Variants in PAPPA observed in about 807,000 individuals in gnomAD.
PAPPA encodes the protein pappalysin 1.
PAPPA carries 60 observed loss-of-function variants against 164.0 expected under a neutral mutation model. The observed-to-expected ratio is 0.37, with a 90% CI of 0.30 to 0.45. The LOEUF is 0.45. PAPPA is among the 20% of genes least tolerant of loss of function. PAPPA has a pLI of 1.00. For synonymous variants in PAPPA, 875 were observed against 814.1 expected (o/e 1.07, Z -1.27); for missense variants, 1,782 against 2,087.3 (o/e 0.85, Z 2.85).
At chr9:116,155,872 C>T (rs1025865240) in intron 1 of PAPPA, among the ~76,000 whole-genome samples, 15 of 151,994 alleles carry the variant, frequency 9.9e-5, no homozygotes, top group African/African-American at 3.6e-4. Flanking sequence ...CCCAACAACC[C>T]ACAACTGACG....
At chr9:116,180,721 T>C (rs1564175492) in intron 1 of PAPPA, among the ~76,000 whole-genome samples, 1 of 152,192 alleles carries the variant, frequency 6.6e-6, no homozygotes, top group Non-Finnish European at 1.5e-5. Context: ...AGTCAAATGT[T>C]ATCAGAGATA....
chr9:116,204,447 C>T (rs182657048), intron 2 of PAPPA, among the ~76,000 whole-genome samples: 90 of 152,164 alleles, frequency 5.9e-4, no homozygotes, highest in Admixed American at 3.9e-3. Context: ...TGGCCTATTG[C>T]TCTATTGCCC....
At chr9:116,218,125 CTG>C (rs1218649580) in intron 4 of PAPPA, among the ~76,000 whole-genome samples, 3 of 152,146 alleles carry the variant, frequency 2.0e-5, no homozygotes, top group Non-Finnish European at 4.4e-5. Flanking sequence ...ATTCACTATA[CTG>C]TGTTTGTTAA....
chr9:116,379,910 T>C (rs2118694050), intron 20 of PAPPA, among the ~76,000 whole-genome samples: 1 of 152,246 alleles, frequency 6.6e-6, no homozygotes, highest in Non-Finnish European at 1.5e-5. Flanking sequence ...ACAGGAGAAA[T>C]CTCTAAGTAC....
intron 19 of PAPPA, among the ~76,000 whole-genome samples, chr9:116,368,595 G>C (rs537757628): frequency 6.6e-6 from 1 of 152,346 alleles, no homozygotes; most frequent in Admixed American, 6.5e-5. Flanking sequence ...GGGGCCCCCA[G>C]AGCTGATGTG....
At position 116,208,999 on chromosome 9, in the gene PAPPA, A is replaced by T. The variant is rs57620977; in HGVS notation, c.1624+1398A>T. 4.0e-3 allele frequency among the ~76,000 whole-genome samples: 603 copies of T among 152,288 alleles called. 2 individuals are homozygous for T. Among genetic ancestry groups the T allele is most frequent in the African/African-American group, 0.014 (569 of 41,564 alleles). On this transcript the variant is annotated intron_variant, in intron 3 of 21. Coordinates refer to ENST00000328252, the MANE Select transcript of PAPPA (RefSeq NM_002581.5). ...AAATGGGGGAATGCTACTGGCATCT[A>T]GTGGGTAGAAGCCAGTGATGCTGCT...
chr9:116,203,971 G>C (rs1844201727), intron 2 of PAPPA, among the ~76,000 whole-genome samples: 1 of 152,190 alleles, frequency 6.6e-6, no homozygotes, highest in Non-Finnish European at 1.5e-5. Context: ...AAGGAAGAAG[G>C]CTGGGTAATG....
intron 7 of PAPPA, among the ~76,000 whole-genome samples, chr9:116,252,504 G>A (rs1211990533): frequency 6.6e-6 from 1 of 152,184 alleles, no homozygotes; most frequent in Admixed American, 6.5e-5. Context: ...AAGTGGAAGG[G>A]CTGCAGTCTA....
At chr9:116,284,419 C>G (rs1044901177) in intron 9 of PAPPA, among the ~76,000 whole-genome samples, 1 of 152,242 alleles carries the variant, frequency 6.6e-6, no homozygotes, top group Admixed American at 6.5e-5. Flanking sequence ...TTCTGACCAT[C>G]CCTCCACAGA....
chr9:116,344,331 T>A (rs1233239790), intron 13 of PAPPA, among the ~76,000 whole-genome samples: 1 of 152,196 alleles, frequency 6.6e-6, no homozygotes, highest in East Asian at 1.9e-4. Flanking sequence ...AGATTTGAAC[T>A]CTGGTTTGTC....
chr9:116,303,190 C>T (rs539803920), intron 10 of PAPPA, among the ~76,000 whole-genome samples: 127 of 152,212 alleles, frequency 8.3e-4, no homozygotes, highest in Non-Finnish European at 2.1e-4. Context: ...CCTGTAATAA[C>T]TAATATTTGG....
chr9:116,241,331 G>A (rs1844733133), intron 7 of PAPPA, among the ~76,000 whole-genome samples: 1 of 152,174 alleles, frequency 6.6e-6, no homozygotes, highest in Admixed American at 6.5e-5. Context: ...AAAGAAGCAT[G>A]TTATTATATA....
intron 1 of PAPPA, among the ~76,000 whole-genome samples, chr9:116,177,303 C>T (rs1316389154): frequency 6.6e-6 from 1 of 152,196 alleles, no homozygotes; most frequent in Non-Finnish European, 1.5e-5. Flanking sequence ...TTGTGCTCTT[C>T]ACTACCAGAC....
chr9:116,269,579 C>T (rs753523801), intron 8 of PAPPA, among the ~76,000 whole-genome samples: 4 of 152,144 alleles, frequency 2.6e-5, no homozygotes, highest in Non-Finnish European at 2.9e-5. Context: ...GATGGCCACC[C>T]GCTCCAGCCC....
At chr9:116,382,606 T>TCCACA (rs1846747138) in intron 21 of PAPPA, 113 bp downstream of exon 21, 3 of 691,940 alleles carry the variant, frequency 4.3e-6, no homozygotes, top group Admixed American at 4.5e-5. Flanking sequence ...GCCAGCACTG[T>TCCACA]CCACACGCTT....
At chr9:116,199,168 C>T (rs1844141734) in intron 2 of PAPPA, among the ~76,000 whole-genome samples, 1 of 152,204 alleles carries the variant, frequency 6.6e-6, no homozygotes, top group Non-Finnish European at 1.5e-5. Context: ...TCTCAGGATT[C>T]TCCACCCCAC....
Position 116,271,237 on chromosome 9 carries a change from G to C in PAPPA, c.2862-88G>C. On this transcript the variant is annotated intron_variant, in intron 8 of 21. Coordinates refer to ENST00000328252, the MANE Select transcript of PAPPA (RefSeq NM_002581.5). The surrounding 1 kb of genome is among the most constrained non-coding windows in gnomAD (Gnocchi z 4.2). The stretch of plus-strand genomic sequence containing the variant: ...GGGATTTGTGCAAGGTCTCACTGAA[G>C]GTTCATGGCCCAGGGAGGGACTTTT... 1 of 823,182 alleles carries C rather than the reference G, an allele frequency of 1.2e-6. No homozygotes were observed. The highest frequency in any genetic ancestry group is 2.1e-6 in the Non-Finnish European group (1 of 475,664). 51.0% of individuals were successfully genotyped at this position (823,182 alleles called of 1,614,324 possible).
intron 10 of PAPPA, among the ~76,000 whole-genome samples, chr9:116,322,187 T>C (rs140968406): frequency 0.011 from 1,700 of 152,106 alleles, 27 homozygotes; most frequent in African/African-American, 0.039. Flanking sequence ...AGCACTTTGG[T>C]AGGCCAAGGC....
Position 116,211,808 on chromosome 9 carries a change from C to T in PAPPA, c.1794C>T (p.Asp598=). ...CAGAGCCCTCCTTCGAGACTGGAGA[C>T]CTCTGCAATGATACCAACCCAGCCC... ...METEPSFETG[D]LCNDTNPAPK... The change falls in exon 4 of 22, where the codon GAC becomes GAT. Residue 598 remains aspartate (D), a synonymous_variant. Coordinates refer to ENST00000328252, the MANE Select transcript of PAPPA (RefSeq NM_002581.5). 3.7e-6 allele frequency: 6 copies of T among 1,614,116 alleles called. No individual in the cohort carries two copies. Among genetic ancestry groups the T allele is most frequent in the Non-Finnish European group, 5.1e-6 (6 of 1,180,000 alleles).
Sources: gnomAD v4.1 joint callset for allele counts (sites outside exome capture counted in the v4.1 genomes callset) on GRCh38, gnomAD v4.1.1 for gene constraint, Gnocchi (gnomAD v3.1) non-coding constraint, MANE v1.5 for transcripts, NCBI Gene and HGNC (gene_info 2026-07-23, HGNC 2026-07-21) for gene names.